Variants in SLC24A2 observed in about 807,000 individuals in gnomAD.
SLC24A2 encodes sodium/potassium/calcium exchanger 2.
Under a neutral mutation model 62.0 loss-of-function variants are expected in SLC24A2, and 36 were observed. That is an observed-to-expected ratio of 0.58 (90% CI 0.44 to 0.77). The LOEUF (loss-of-function observed/expected upper bound fraction) is 0.77, where lower values mean the gene tolerates loss of function less well. Among genes scored for constraint, SLC24A2 ranks in the 30% least tolerant of loss-of-function variants. SLC24A2 has a pLI of 0.00. For synonymous variants in SLC24A2, 358 were observed against 294.0 expected, an observed-to-expected ratio of 1.22 and a Z score of -2.23; for missense variants, 846 against 817.9, an observed-to-expected ratio of 1.03 and a Z score of -0.42.
the SLC24A2 span, among the ~76,000 whole-genome samples, chr9:20,224,287 T>G: frequency 6.6e-6 from 1 of 151,994 alleles, no homozygotes; most frequent in African/African-American, 2.4e-5. Context: ...TCAAGCTAGA[T>G]AAGGATTTCT....
At chr9:19,532,515 T>G (rs1419773594) in intron 8 of SLC24A2, among the ~76,000 whole-genome samples, 1 of 152,258 alleles carries the variant, frequency 6.6e-6, no homozygotes, top group Non-Finnish European at 1.5e-5. Flanking sequence ...TTAAAATTTT[T>G]TTCCTGAATA....
the SLC24A2 span, among the ~76,000 whole-genome samples, chr9:20,233,664 T>C: frequency 6.6e-6 from 1 of 152,310 alleles, no homozygotes; most frequent in Middle Eastern, 3.4e-3. Context: ...CACTGACGGG[T>C]CTTGAATCTT....
the SLC24A2 span, among the ~76,000 whole-genome samples, chr9:20,216,818 T>C: frequency 9.9e-5 from 15 of 152,206 alleles, no homozygotes; most frequent in African/African-American, 7.2e-5. Flanking sequence ...TATTTCAGTG[T>C]GCCTTAGTTG....
At chr9:19,544,345 T>A (rs1440004650) in intron 8 of SLC24A2, among the ~76,000 whole-genome samples, 1 of 151,314 alleles carries the variant, frequency 6.6e-6, no homozygotes, top group Non-Finnish European at 1.5e-5. Flanking sequence ...GAGGTGGGTC[T>A]CCTGAATACA....
the SLC24A2 span, among the ~76,000 whole-genome samples, chr9:20,265,874 AAAATGGCCCCCTTGGGTGCG>A: frequency 6.6e-6 from 1 of 152,170 alleles, no homozygotes; most frequent in Non-Finnish European, 1.5e-5. Flanking sequence ...GTGGGCCTCT[AAAATGGCCCCCTTGGGTGCG>A]GCCATCTTTT....
chr9:19,806,232 T>A, the SLC24A2 span, among the ~76,000 whole-genome samples: 1 of 151,904 alleles, frequency 6.6e-6, no homozygotes, highest in Non-Finnish European at 1.5e-5. Context: ...AGTGGAGGAG[T>A]GCACCCGCAG....
At chr9:19,838,149 C>T in the SLC24A2 span, among the ~76,000 whole-genome samples, 16 of 152,088 alleles carry the variant, frequency 1.1e-4, no homozygotes, top group Non-Finnish European at 1.9e-4. Context: ...GGAGGCATCA[C>T]GCTACCTGAC....
chr9:19,558,265 G>C (rs56320664), intron 7 of SLC24A2, among the ~76,000 whole-genome samples: 2,254 of 152,228 alleles, frequency 0.015, 59 homozygotes, highest in African/African-American at 0.051. Flanking sequence ...CTCTCCTTTA[G>C]CTTACTGAGT....
At chr9:19,870,133 T>C in the SLC24A2 span, among the ~76,000 whole-genome samples, 1 of 152,150 alleles carries the variant, frequency 6.6e-6, no homozygotes, top group Non-Finnish European at 1.5e-5. Flanking sequence ...TTTTAGAACA[T>C]TTCACCATCT....
intron 8 of SLC24A2, among the ~76,000 whole-genome samples, chr9:19,528,415 T>A (rs1833535569): frequency 6.6e-6 from 1 of 152,194 alleles, no homozygotes; most frequent in Admixed American, 6.5e-5. Context: ...ATTAGATGTT[T>A]AGATTCCCTC....
At chr9:19,937,760 T>C in the SLC24A2 span, among the ~76,000 whole-genome samples, 15 of 152,214 alleles carry the variant, frequency 9.9e-5, no homozygotes, top group Non-Finnish European at 2.9e-5. Flanking sequence ...CATATACACA[T>C]TTCCTGTGCT....
At chr9:19,881,757 A>G in the SLC24A2 span, among the ~76,000 whole-genome samples, 1 of 152,162 alleles carries the variant, frequency 6.6e-6, no homozygotes, top group Non-Finnish European at 1.5e-5. Context: ...ATCATGTAAT[A>G]CCACTGTCTT....
chr9:19,837,875 C>G, the SLC24A2 span, among the ~76,000 whole-genome samples: 2 of 151,862 alleles, frequency 1.3e-5, no homozygotes, highest in East Asian at 3.8e-4. Flanking sequence ...CGTGAAGGAC[C>G]TCTTCAAGGA....
intron 2 of SLC24A2, among the ~76,000 whole-genome samples, chr9:19,754,209 C>G (rs535433086): frequency 5.6e-4 from 85 of 152,278 alleles, no homozygotes; most frequent in Non-Finnish European, 9.3e-4. Context: ...AAGGATCCGC[C>G]TGCAGCCACA....
the SLC24A2 span, among the ~76,000 whole-genome samples, chr9:19,941,307 T>C: frequency 2.0e-5 from 3 of 152,178 alleles, no homozygotes; most frequent in Non-Finnish European, 4.4e-5. Context: ...TGAAGCCTTC[T>C]TCTCTGATTT....
At chr9:20,159,259 C>T in the SLC24A2 span, among the ~76,000 whole-genome samples, 1 of 151,614 alleles carries the variant, frequency 6.6e-6, no homozygotes, top group Admixed American at 6.6e-5. Flanking sequence ...TTTTTTCCCC[C>T]ATTAACGCCC....
the SLC24A2 span, among the ~76,000 whole-genome samples, chr9:19,907,946 G>A: frequency 1.6e-3 from 243 of 152,206 alleles, 4 homozygotes; most frequent in East Asian, 0.046. Flanking sequence ...TCCCCATCAA[G>A]CTACCAATGA....
At chr9:19,999,252 C>T in the SLC24A2 span, among the ~76,000 whole-genome samples, 1 of 152,328 alleles carries the variant, frequency 6.6e-6, no homozygotes, top group South Asian at 2.1e-4. Context: ...ATTTATTATC[C>T]ATGTTCATTA....
At chr9:19,860,731 T>C in the SLC24A2 span, among the ~76,000 whole-genome samples, 1 of 152,060 alleles carries the variant, frequency 6.6e-6, no homozygotes, top group Admixed American at 6.5e-5. Context: ...GGGTGAGTCC[T>C]AGACCAGGAG....
Sources: allele counts gnomAD v4.1 joint callset (sites outside exome capture counted in the v4.1 genomes callset), GRCh38; gene constraint gnomAD v4.1.1; transcripts MANE v1.5; gene names NCBI Gene and HGNC (gene_info 2026-07-23, HGNC 2026-07-21).